C9: variants seen among roughly 807,000 people sequenced by gnomAD.
C9 encodes the protein complement C9.
In C9, 63 loss-of-function variants were observed where a neutral mutation model predicts 65.4. The ratio of observed to expected loss-of-function variants is 0.96; its 90% CI spans 0.79 to 1.19. C9 has a LOEUF of 1.19. Ranked by LOEUF, C9 falls within the 50% of genes most tolerant of loss-of-function variation. C9 has a pLI of 0.00. For synonymous variants in C9, 229 were observed against 227.9 expected, an observed-to-expected ratio of 1.00 and a Z score of -0.04; for missense variants, 744 against 670.1, an observed-to-expected ratio of 1.11 and a Z score of -1.22.
intron 6 of C9, among the ~76,000 whole-genome samples, chr5:39,314,368 G>A (rs1354058917): frequency 6.6e-6 from 1 of 152,026 alleles, no homozygotes; most frequent in African/African-American, 2.4e-5. Flanking sequence ...AGAATTGCTT[G>A]TACCTGGGAG....
intron 6 of C9, among the ~76,000 whole-genome samples, chr5:39,312,439 T>C (rs1483758729): frequency 1.3e-5 from 2 of 152,192 alleles, no homozygotes; most frequent in African/African-American, 4.8e-5. Context: ...ATATGAATAA[T>C]ACTTGACAGC....
intron 10 of C9, among the ~76,000 whole-genome samples, chr5:39,287,153 A>T (rs1753003404): frequency 6.6e-6 from 1 of 151,980 alleles, no homozygotes; most frequent in Non-Finnish European, 1.5e-5. Context: ...TAGAAACATG[A>T]CTAAAGTCAT....
At chr5:39,286,651 A>G (rs982670540) in intron 10 of C9, among the ~76,000 whole-genome samples, 3 of 152,034 alleles carry the variant, frequency 2.0e-5, no homozygotes, top group Admixed American at 6.6e-5. Context: ...AGAATATTCT[A>G]CATAGAGAGA....
At chr5:39,359,102 G>GTGTGTATATATATATATATATATA (rs1407613505) in intron 1 of C9, among the ~76,000 whole-genome samples, 1,321 of 103,328 alleles carry the variant, frequency 0.013, 33 homozygotes, top group Middle Eastern at 0.018. Flanking sequence ...GTGTGTGTGT[G>GTGTGTATATATATATATATATATA]TATATATATA....
chr5:39,314,704 C>T (rs1753542349), intron 6 of C9, among the ~76,000 whole-genome samples: 1 of 152,104 alleles, frequency 6.6e-6, no homozygotes, highest in Non-Finnish European at 1.5e-5. Flanking sequence ...TACTCTTTGG[C>T]TATCTCCTCT....
chr5:39,339,208 G>T (rs1221986368), intron 4 of C9, among the ~76,000 whole-genome samples: 1 of 152,194 alleles, frequency 6.6e-6, no homozygotes, highest in Non-Finnish European at 1.5e-5. Context: ...AGGGCCTGCA[G>T]AACTTAGGGG....
chr5:39,316,100 C>T lies in C9; in HGVS notation c.616-71G>A, dbSNP rs1561340697. Reference sequence around the variant, plus strand: ...AAAGGAAAAACAAGCAGAACAGAACCAAAGAGAAGTCAAACAATTCTTTGA... The same window carrying T: ...AAAGGAAAAACAAGCAGAACAGAACTAAAGAGAAGTCAAACAATTCTTTGA... On this transcript the variant is annotated intron_variant, in intron 5 of 10. Coordinates refer to ENST00000263408, the MANE Select transcript of C9 (RefSeq NM_001737.5). 2.3e-6 allele frequency: 3 copies of T among 1,301,384 alleles called. No homozygotes were observed. In the East Asian group the frequency reaches 7.2e-5, roughly 31 times the overall value. The allele number at this position is 1,301,384 out of a possible 1,614,324, so 80.6% of individuals were successfully genotyped here. A position where few individuals can be genotyped will look rare whatever the true frequency, so the allele number is the denominator to read the frequency against.
intron 5 of C9, among the ~76,000 whole-genome samples, chr5:39,318,512 A>C (rs1263869509): frequency 6.6e-6 from 1 of 150,782 alleles, no homozygotes; most frequent in Non-Finnish European, 1.5e-5. Flanking sequence ...TATAGCTCTT[A>C]CTATTTTGAG....
chr5:39,345,197 TA>T (rs1347273055), intron 1 of C9, among the ~76,000 whole-genome samples: 1 of 152,156 alleles, frequency 6.6e-6, no homozygotes, highest in Admixed American at 6.5e-5. Context: ...CAAAATGGGC[TA>T]AATGCGCCAA....
At chr5:39,351,678 A>G (rs1315393907) in intron 1 of C9, among the ~76,000 whole-genome samples, 1 of 152,150 alleles carries the variant, frequency 6.6e-6, no homozygotes, top group Non-Finnish European at 1.5e-5. Context: ...AGGACCTTTG[A>G]TCTAGTTCCC....
chr5:39,337,933 G>T (rs1446175289), intron 4 of C9, among the ~76,000 whole-genome samples: 1 of 152,184 alleles, frequency 6.6e-6, no homozygotes, highest in African/African-American at 2.4e-5. Context: ...ACTTTTTGAG[G>T]TTGTCCAGAA....
chr5:39,362,422 G>A (rs995263028), intron 1 of C9, among the ~76,000 whole-genome samples: 9 of 152,186 alleles, frequency 5.9e-5, no homozygotes, highest in African/African-American at 2.2e-4. Context: ...ATACAAGGGA[G>A]TGCTGGCCAC....
At position 39,331,679 on chromosome 5, in the gene C9, A is replaced by G. The variant is rs1038982676; in HGVS notation, c.612T>C (p.Tyr204=). ...RRPWNVASLI[Y]ETKGEKNFRT... ...GTTTTCCTCCGAGGAGACTTACTTC[A>G]TAGATCAAAGAAGCCACGTTCCAAG... Residue 204 remains tyrosine (Y), a synonymous_variant, in exon 5 of 11, where the codon TAT becomes TAC. Coordinates refer to ENST00000263408, the MANE Select transcript of C9 (RefSeq NM_001737.5). 4 of 1,613,860 alleles carry G rather than the reference A, an allele frequency of 2.5e-6. No homozygotes were observed. In the African/African-American group the frequency reaches 4.0e-5, roughly 16 times the overall value.
intron 1 of C9, among the ~76,000 whole-genome samples, chr5:39,362,891 GC>G (rs1754546270): frequency 6.6e-6 from 1 of 152,114 alleles, no homozygotes; most frequent in African/African-American, 2.4e-5. Context: ...AGCAATGGGA[GC>G]CCACGAAACC....
chr5:39,295,906 A>C (rs1281918494), intron 9 of C9, among the ~76,000 whole-genome samples: 1 of 151,734 alleles, frequency 6.6e-6, no homozygotes, highest in Non-Finnish European at 1.5e-5. Context: ...AATTTTTGAC[A>C]AAAGTACCAA....
chr5:39,298,988 A>G (rs1333838286), intron 9 of C9, among the ~76,000 whole-genome samples: 2 of 151,882 alleles, frequency 1.3e-5, no homozygotes, highest in Non-Finnish European at 2.9e-5. Flanking sequence ...AAAATTCAAC[A>G]TCTATTTATG....
chr5:39,333,758 C>T (rs13360396), intron 4 of C9, among the ~76,000 whole-genome samples: 4,710 of 151,994 alleles, frequency 0.031, 205 homozygotes, highest in African/African-American at 0.1. Context: ...ATTGCAGGCG[C>T]GCACCGCCAC....
intron 10 of C9, 72 bp from the exon 11 acceptor site, chr5:39,285,305 CT>C (rs1216637622): frequency 5.0e-5 from 57 of 1,147,536 alleles, no homozygotes; most frequent in Non-Finnish European, 6.9e-5. Flanking sequence ...CACCCATCCG[CT>C]TTTTCACCTT....
intron 1 of C9, among the ~76,000 whole-genome samples, chr5:39,350,451 G>A (rs978219771): frequency 1.3e-5 from 2 of 152,084 alleles, no homozygotes; most frequent in African/African-American, 4.8e-5. Context: ...ACTTATTCCA[G>A]CATTAACTAA....
Sources: gnomAD v4.1 joint callset for allele counts (sites outside exome capture counted in the v4.1 genomes callset) on GRCh38, gnomAD v4.1.1 for gene constraint, MANE v1.5 for transcripts, NCBI Gene and HGNC (gene_info 2026-07-23, HGNC 2026-07-21) for gene names.